VWA3B: variants seen among roughly 807,000 people sequenced by gnomAD.
VWA3B encodes von Willebrand factor A domain-containing protein 3B.
Under a neutral mutation model 158.3 loss-of-function variants are expected in VWA3B, and 138 were observed. The ratio of observed to expected loss-of-function variants is 0.87; its 90% CI spans 0.76 to 1.00. VWA3B has a LOEUF of 1.00. Ranked by LOEUF, VWA3B falls within the 50% of genes least tolerant of loss-of-function variation. VWA3B has a pLI of 0.00. For missense variants in VWA3B, 1,555 were observed against 1,565.1 expected (o/e 0.99, Z 0.11); for synonymous variants, 596 against 587.3 (o/e 1.01, Z -0.21).
intron 10 of VWA3B, among the ~76,000 whole-genome samples, chr2:98,190,282 C>T (rs1470886621): frequency 6.6e-6 from 1 of 152,176 alleles, no homozygotes; most frequent in African/African-American, 2.4e-5. Context: ...TATTATATCA[C>T]TTCATGTATA....
At chr2:98,157,959 T>A (rs80223580) in intron 7 of VWA3B, among the ~76,000 whole-genome samples, 1,656 of 152,330 alleles carry the variant, frequency 0.011, 24 homozygotes, top group African/African-American at 0.037. Context: ...ACGATAGTAC[T>A]TCAGATACTT....
At chr2:98,212,786 T>G (rs1574094935) in intron 13 of VWA3B, among the ~76,000 whole-genome samples, 1 of 150,190 alleles carries the variant, frequency 6.7e-6, no homozygotes, top group South Asian at 2.1e-4. Context: ...AGAACGGGAG[T>G]GTGTAAAGTG....
At chr2:98,136,352 T>C (rs1460917609) in intron 7 of VWA3B, among the ~76,000 whole-genome samples, 1 of 152,246 alleles carries the variant, frequency 6.6e-6, no homozygotes, top group Non-Finnish European at 1.5e-5. Context: ...ACTGAAACCC[T>C]GTGCCCATTA....
chr2:98,249,718 C>T (rs1465904709), intron 19 of VWA3B, among the ~76,000 whole-genome samples: 1 of 152,106 alleles, frequency 6.6e-6, no homozygotes, highest in Non-Finnish European at 1.5e-5. Context: ...TTATTGATCA[C>T]TAAGCATTCT....
At chr2:98,149,709 G>T (rs1039902096) in intron 7 of VWA3B, among the ~76,000 whole-genome samples, 3 of 152,178 alleles carry the variant, frequency 2.0e-5, no homozygotes, top group African/African-American at 4.8e-5. Context: ...TGGAAAGTTG[G>T]GGTTTCCTTT....
intron 22 of VWA3B, among the ~76,000 whole-genome samples, chr2:98,280,921 T>C (rs1688841397): frequency 6.6e-6 from 1 of 152,266 alleles, no homozygotes; most frequent in South Asian, 2.1e-4. Flanking sequence ...AAGACCTTGC[T>C]GCTTCTTCAG....
intron 7 of VWA3B, among the ~76,000 whole-genome samples, chr2:98,149,998 A>G (rs919062749): frequency 6.6e-6 from 1 of 152,118 alleles, no homozygotes; most frequent in Non-Finnish European, 1.5e-5. Flanking sequence ...AATGAGTTTG[A>G]TAAATAAATT....
intron 22 of VWA3B, among the ~76,000 whole-genome samples, chr2:98,276,126 G>A (rs971722865): frequency 3.6e-5 from 5 of 140,800 alleles, no homozygotes; most frequent in East Asian, 1.9e-4. Flanking sequence ...CCTAGGTAAC[G>A]GGGAGAGGTC....
At chr2:98,158,745 AGGGTGGGAC>A (rs1678317006) in intron 7 of VWA3B, among the ~76,000 whole-genome samples, 1 of 119,046 alleles carries the variant, frequency 8.4e-6, no homozygotes, top group Non-Finnish European at 1.7e-5. Context: ...TCTTCAGTGA[AGGGTGGGAC>A]GGGGTGGGTG....
At chr2:98,167,947 A>G (rs139670340) in intron 8 of VWA3B, among the ~76,000 whole-genome samples, 1 of 152,338 alleles carries the variant, frequency 6.6e-6, no homozygotes, top group Non-Finnish European at 1.5e-5. Context: ...TTAAAGCAAG[A>G]CATGAAAAGA....
At chr2:98,111,927 T>A (rs1674163830) in intron 2 of VWA3B, among the ~76,000 whole-genome samples, 1 of 152,216 alleles carries the variant, frequency 6.6e-6, no homozygotes, top group South Asian at 2.1e-4. Context: ...TTTAATTAGG[T>A]TCTACTTATC....
At chr2:98,233,849 C>T (rs1207448173) in intron 16 of VWA3B, among the ~76,000 whole-genome samples, 1 of 152,154 alleles carries the variant, frequency 6.6e-6, no homozygotes, top group Non-Finnish European at 1.5e-5. Context: ...CTAAAGCCTC[C>T]AAATTATGAA....
chr2:98,178,624 G>A (rs1446569716), intron 8 of VWA3B, among the ~76,000 whole-genome samples: 1 of 152,166 alleles, frequency 6.6e-6, no homozygotes, highest in Non-Finnish European at 1.5e-5. Context: ...AGCTGATGGG[G>A]TTACCAAGTC....
chr2:98,276,913 T>C (rs1688562064), intron 22 of VWA3B, among the ~76,000 whole-genome samples: 1 of 152,136 alleles, frequency 6.6e-6, no homozygotes, highest in African/African-American at 2.4e-5. Context: ...TTCCTAAGTT[T>C]GGGGCAGCTT....
At chr2:98,175,791 G>A (rs1296444357) in intron 8 of VWA3B, among the ~76,000 whole-genome samples, 1 of 152,132 alleles carries the variant, frequency 6.6e-6, no homozygotes, top group East Asian at 1.9e-4. Context: ...AAGCCCGTGG[G>A]GTGCTCCAGA....
At chr2:98,146,053 A>G (rs72817751) in intron 7 of VWA3B, among the ~76,000 whole-genome samples, 20,674 of 151,460 alleles carry the variant, frequency 0.14, 2,161 homozygotes, top group Non-Finnish European at 0.2. Context: ...ATTTTTTTTT[A>G]TATTTCATCT....
intron 16 of VWA3B, among the ~76,000 whole-genome samples, chr2:98,230,570 G>T (rs1032536265): frequency 1.3e-5 from 2 of 152,014 alleles, no homozygotes; most frequent in African/African-American, 4.8e-5. Flanking sequence ...GTTTGATCAC[G>T]TGTATAGGTT....
intron 8 of VWA3B, among the ~76,000 whole-genome samples, chr2:98,179,824 TTCTTTTTC>T (rs1253580456): frequency 1.3e-4 from 18 of 138,700 alleles, no homozygotes; most frequent in African/African-American, 2.0e-4. Context: ...CTTTCTTTCT[TTCTTTTTC>T]TTTCTTTCTT....
the VWA3B span, among the ~76,000 whole-genome samples, chr2:98,320,012 G>C: frequency 6.6e-6 from 1 of 152,042 alleles, no homozygotes; most frequent in East Asian, 1.9e-4. Flanking sequence ...TTAAGATCTC[G>C]ATATGGTTTG....
Sources: gnomAD v4.1 joint callset for allele counts (sites outside exome capture counted in the v4.1 genomes callset) on GRCh38, gnomAD v4.1.1 for gene constraint, MANE v1.5 for transcripts, NCBI Gene and HGNC (gene_info 2026-07-23, HGNC 2026-07-21) for gene names.